APAF1: variants seen among roughly 807,000 people sequenced by gnomAD.
The protein encoded by APAF1 is apoptotic peptidase activating factor 1.
Under a neutral mutation model 152.4 loss-of-function variants are expected in APAF1, and 91 were observed. The observed-to-expected ratio is 0.60, with a 90% CI of 0.50 to 0.71. The LOEUF (loss-of-function observed/expected upper bound fraction) is 0.71. Among genes scored for constraint, APAF1 ranks in the 30% least tolerant of loss-of-function variants. The pLI is 0.00. For missense variants in APAF1, 1,283 were observed against 1,472.0 expected (o/e 0.87, Z 2.10); for synonymous variants, 484 against 494.1 (o/e 0.98, Z 0.27).
At chr12:98,702,849 A>C (rs2097717123) in intron 17 of APAF1, among the ~76,000 whole-genome samples, 1 of 152,098 alleles carries the variant, frequency 6.6e-6, no homozygotes, top group Non-Finnish European at 1.5e-5. Flanking sequence ...CTCAAAAAAA[A>C]AAAAAAAAAA....
chr12:98,653,399 G>A (rs2097651400), intron 4 of APAF1, among the ~76,000 whole-genome samples: 1 of 151,744 alleles, frequency 6.6e-6, no homozygotes, highest in South Asian at 2.1e-4. Context: ...GCTCGTGCCT[G>A]TAATCCCAGC....
chr12:98,651,512 C>T (rs1053697387), intron 4 of APAF1, among the ~76,000 whole-genome samples: 4 of 152,202 alleles, frequency 2.6e-5, no homozygotes, highest in Non-Finnish European at 5.9e-5. Flanking sequence ...TTGCCACCAA[C>T]CCATTTTACT....
intron 16 of APAF1, among the ~76,000 whole-genome samples, chr12:98,692,227 C>T (rs1183472417): frequency 6.6e-6 from 1 of 152,196 alleles, no homozygotes; most frequent in South Asian, 2.1e-4. Flanking sequence ...GGAGTACAGG[C>T]GCCCGCTGCC....
chr12:98,688,805 C>T (rs1207083082), intron 16 of APAF1, among the ~76,000 whole-genome samples: 1 of 151,136 alleles, frequency 6.6e-6, no homozygotes, highest in Non-Finnish European at 1.5e-5. Flanking sequence ...CTTTACTCTT[C>T]TCTTTTCTTT....
At chr12:98,728,435 T>C (rs940739988) in intron 26 of APAF1, among the ~76,000 whole-genome samples, 3 of 152,120 alleles carry the variant, frequency 2.0e-5, no homozygotes, top group African/African-American at 7.2e-5. Flanking sequence ...GTTACATAAT[T>C]AGTGCCGGGT....
Position 98,662,393 on chromosome 12 carries a change from A to G in APAF1, c.711-63A>G, listed in dbSNP as rs1593034251. 3.2e-6 allele frequency: 4 copies of G among 1,253,776 alleles called. No individual in the cohort carries two copies. In the East Asian group the frequency reaches 7.1e-5, roughly 22 times the overall value. 77.7% of individuals were successfully genotyped at this position (1,253,776 alleles called of 1,614,324 possible). On this transcript the variant is annotated intron_variant, in intron 5 of 26. Coordinates refer to ENST00000551964, the MANE Select transcript of APAF1 (RefSeq NM_181861.2). ...GATTTTAAAAGACACTGGTGGGATT[A>G]TCTTTTTAAAAGGAAGCTTAAGATA...
At chr12:98,673,570 A>G (rs879888861) in intron 12 of APAF1, among the ~76,000 whole-genome samples, 11 of 152,184 alleles carry the variant, frequency 7.2e-5, no homozygotes, top group Non-Finnish European at 1.5e-4. Flanking sequence ...CATATGTATA[A>G]TTTATATCTA....
intron 7 of APAF1, 27 bp downstream of exon 7, chr12:98,662,833 A>C: frequency 6.3e-7 from 1 of 1,592,866 alleles, no homozygotes; most frequent in East Asian, 2.2e-5. Flanking sequence ...GTTTATGAGG[A>C]GATTATAGGG....
At chr12:98,709,348 A>G (rs2097725309) in intron 20 of APAF1, among the ~76,000 whole-genome samples, 1 of 152,156 alleles carries the variant, frequency 6.6e-6, no homozygotes, top group Non-Finnish European at 1.5e-5. Context: ...GACACGTGAG[A>G]GGAAGGCATT....
At chr12:98,653,691 A>AAT (rs1346621120) in intron 4 of APAF1, among the ~76,000 whole-genome samples, 1,174 of 15,078 alleles carry the variant, frequency 0.078, 86 homozygotes, top group South Asian at 0.12. Flanking sequence ...AAAAAAAAAA[A>AAT]ATATATATAT....
chr12:98,732,316 A>G (rs1193313516), intron 26 of APAF1, 104 bp from the exon 27 acceptor site: 9 of 998,866 alleles, frequency 9.0e-6, no homozygotes, highest in Non-Finnish European at 1.4e-5. Flanking sequence ...TGTTTGCTTG[A>G]GTTCGGTTGG....
At chr12:98,687,744 A>G (rs1207044182) in intron 16 of APAF1, among the ~76,000 whole-genome samples, 2 of 152,210 alleles carry the variant, frequency 1.3e-5, no homozygotes, top group African/African-American at 4.8e-5. Flanking sequence ...TATTTAATAC[A>G]TGAACTTTGG....
Position 98,715,473 on chromosome 12 carries a change from A to C in APAF1, c.3005A>C (p.His1002Pro). The C allele has an allele frequency of 1.2e-6, 2 of 1,613,530 alleles. No homozygotes were observed. Among genetic ancestry groups the C allele is most frequent in the South Asian group, 2.2e-5 (2 of 91,052 alleles). ...NNRIFQSRFQ[H>P]KKTVWHIQFT... ...AGAATCTTCCAGTCCAGGTTTCAGC[A>C]CAAGAAAACTGTATGGCACATCCAG... The change falls in exon 22 of 27, where the codon CAC (histidine) becomes CCC (proline). Residue 1002 changes from histidine (H) to proline (P), a missense_variant. Physicochemically the swap from His to Pro is moderately conservative, Grantham distance 77. Coordinates refer to ENST00000551964, the MANE Select transcript of APAF1 (RefSeq NM_181861.2).
intron 13 of APAF1, among the ~76,000 whole-genome samples, chr12:98,679,332 C>G (rs1430542829): frequency 2.3e-4 from 35 of 152,118 alleles, no homozygotes; most frequent in Admixed American, 2.3e-3. Context: ...GAACACTTGT[C>G]AGGAGGACTT....
At chr12:98,648,898 G>C (rs1160229564) in intron 3 of APAF1, 83 bp downstream of exon 3, 1 of 1,294,612 alleles carries the variant, frequency 7.7e-7, no homozygotes, top group Non-Finnish European at 1.1e-6. Context: ...CTTTTGAAGA[G>C]AGTGTGACCA....
At chr12:98,724,164 C>G (rs907638699) in intron 24 of APAF1, among the ~76,000 whole-genome samples, 1 of 152,070 alleles carries the variant, frequency 6.6e-6, no homozygotes, top group Admixed American at 6.6e-5. Flanking sequence ...CTCAAGTACT[C>G]TCTTCTCTCC....
chr12:98,732,766 G>T lies in APAF1; in HGVS notation c.*200G>T. Reference sequence around the variant, plus strand: ...ACATACCTTTAATCTTGTTTTTCATGATCATCATTAACAGTTTGTCCTTAG... The same window carrying T: ...ACATACCTTTAATCTTGTTTTTCATTATCATCATTAACAGTTTGTCCTTAG... On this transcript the variant is annotated 3_prime_UTR_variant, in exon 27 of 27. Transcript: ENST00000551964. 1.8e-6 allele frequency: 1 copy of T among 549,828 alleles called. No homozygotes were observed. The highest frequency in any genetic ancestry group is 3.2e-6 in the Non-Finnish European group (1 of 310,860). 34.1% of individuals were successfully genotyped at this position (549,828 alleles called of 1,614,324 possible). A position where few individuals can be genotyped will look rare whatever the true frequency, so the allele number is the denominator to read the frequency against.
chr12:98,685,546 A>G (rs1001687496), intron 15 of APAF1, among the ~76,000 whole-genome samples: 3 of 152,150 alleles, frequency 2.0e-5, no homozygotes, highest in African/African-American at 7.2e-5. Context: ...TATGTTGGCC[A>G]GGATGGTCTC....
Position 98,647,317 on chromosome 12 carries a change from C to G in APAF1, c.-41-1002C>G, listed in dbSNP as rs182419493. Among the ~76,000 whole-genome samples, 518 of 150,108 alleles carry G rather than the reference C, an allele frequency of 3.5e-3. 3 individuals carry two copies. The highest frequency in any genetic ancestry group is 5.6e-3 in the Non-Finnish European group (378 of 67,712). ...CCCAAATTTTGCTACTCAGAAGTAA[C>G]TCAAACATTTCGATGAATAAACTTC... is the stretch of plus-strand genomic sequence containing the variant. On this transcript the variant is annotated intron_variant, in intron 1 of 26. Coordinates refer to ENST00000551964, the MANE Select transcript of APAF1 (RefSeq NM_181861.2).
Sources: allele counts gnomAD v4.1 joint callset (sites outside exome capture counted in the v4.1 genomes callset), GRCh38; gene constraint gnomAD v4.1.1; transcripts MANE v1.5; gene names NCBI Gene and HGNC (gene_info 2026-07-23, HGNC 2026-07-21).